The following PDZD2 variants were observed in gnomAD, a reference collection of about 807,000 sequenced individuals.
PDZD2 encodes PDZ domain containing 2, also known as PDZ domain-containing protein 2.
PDZD2 carries 90 observed loss-of-function variants against 220.7 expected under a neutral mutation model. The ratio of observed to expected loss-of-function variants is 0.41; its 90% CI spans 0.34 to 0.49. The LOEUF (loss-of-function observed/expected upper bound fraction) is 0.49. PDZD2 is among the 20% of genes least tolerant of loss of function. The pLI, the probability that PDZD2 is intolerant of heterozygous loss-of-function variation, is 0.28. For missense variants in PDZD2, 3,174 were observed against 3,608.5 expected (o/e 0.88, Z 3.08); for synonymous variants, 1,375 against 1,450.5 (o/e 0.95, Z 1.18).
intron 2 of PDZD2, among the ~76,000 whole-genome samples, chr5:31,894,457 T>A (rs1347831585): frequency 6.6e-6 from 1 of 152,042 alleles, no homozygotes; most frequent in Non-Finnish European, 1.5e-5. Flanking sequence ...GGGCCGTTCT[T>A]GATGTTTTTT....
intron 1 of PDZD2, among the ~76,000 whole-genome samples, chr5:31,681,786 C>T (rs2150123464): frequency 6.6e-6 from 1 of 152,252 alleles, no homozygotes; most frequent in South Asian, 2.1e-4. Context: ...ATTTTAGCAA[C>T]TGTGTTTGCT....
At chr5:32,014,625 A>AT (rs1753589712) in intron 6 of PDZD2, among the ~76,000 whole-genome samples, 1 of 147,584 alleles carries the variant, frequency 6.8e-6, no homozygotes, top group Non-Finnish European at 1.5e-5. Flanking sequence ...CCCTTCCCCC[A>AT]TACCACCCAT....
intron 1 of PDZD2, among the ~76,000 whole-genome samples, chr5:31,747,368 A>G (rs937464816): frequency 2.6e-5 from 4 of 152,162 alleles, no homozygotes; most frequent in African/African-American, 9.7e-5. Flanking sequence ...AGCAAGGCCT[A>G]TTTGTTCAGA....
chr5:31,866,903 A>AT (rs1243025634), intron 2 of PDZD2, among the ~76,000 whole-genome samples: 2 of 152,218 alleles, frequency 1.3e-5, no homozygotes, highest in African/African-American at 4.8e-5. Flanking sequence ...AGGAACTGAA[A>AT]TAATAGAATT....
intron 7 of PDZD2, among the ~76,000 whole-genome samples, chr5:32,045,241 A>G (rs898062464): frequency 1.8e-4 from 27 of 152,216 alleles, no homozygotes; most frequent in African/African-American, 6.5e-4. Context: ...CTTTCCACTA[A>G]GGTTTTGCCC....
rs1561469291 is a variant in PDZD2, at chr5:31,799,607, G to A, written c.359G>A (p.Trp120Ter). Residue 120 changes from tryptophan to a stop codon, truncating the protein, a stop_gained, in exon 2 of 25, where the codon TGG becomes TAG. Coordinates refer to ENST00000438447, the MANE Select transcript of PDZD2 (RefSeq NM_178140.4). LOFTEE classifies it high-confidence loss of function. ...QGPVLDVGCI[W>*]VTELRKNSPA... Reference sequence around the variant, plus strand: ...CCTGTGCTGGATGTGGGCTGCATCTGGGTGACAGAGCTGAGGAAGAACAGC... The same window carrying A: ...CCTGTGCTGGATGTGGGCTGCATCTAGGTGACAGAGCTGAGGAAGAACAGC... The A allele has an allele frequency of 6.2e-7, 1 of 1,614,152 alleles. No individual in the cohort carries two copies.
At chr5:31,773,177 T>G (rs1416740479) in intron 1 of PDZD2, among the ~76,000 whole-genome samples, 1 of 152,198 alleles carries the variant, frequency 6.6e-6, no homozygotes, top group Admixed American at 6.5e-5. Context: ...TTATTTACTT[T>G]CCTGCAGAGA....
intron 3 of PDZD2, among the ~76,000 whole-genome samples, chr5:31,985,065 C>T (rs1413495241): frequency 6.6e-6 from 1 of 151,584 alleles, no homozygotes; most frequent in Admixed American, 6.6e-5. Context: ...GTTGATGTCT[C>T]CATCAATGAT....
intron 2 of PDZD2, among the ~76,000 whole-genome samples, chr5:31,952,359 T>C (rs1490977311): frequency 6.6e-6 from 1 of 152,234 alleles, no homozygotes; most frequent in African/African-American, 2.4e-5. Flanking sequence ...ATTTATGATC[T>C]GGTAAAAGTA....
intron 1 of PDZD2, among the ~76,000 whole-genome samples, chr5:31,697,417 C>T (rs1037223275): frequency 6.6e-6 from 1 of 152,112 alleles, no homozygotes; most frequent in Non-Finnish European, 1.5e-5. Context: ...CAGCTGAGAT[C>T]GTGCCACTGC....
At chr5:31,871,542 C>G (rs1324371027) in intron 2 of PDZD2, among the ~76,000 whole-genome samples, 2 of 152,102 alleles carry the variant, frequency 1.3e-5, no homozygotes, top group Admixed American at 1.3e-4. Flanking sequence ...ACGTCCGCCT[C>G]CTGGGTCAAG....
chr5:31,989,749 C>T (rs2111925654), intron 3 of PDZD2, among the ~76,000 whole-genome samples: 1 of 152,248 alleles, frequency 6.6e-6, no homozygotes, highest in African/African-American at 2.4e-5. Context: ...TTTCTTTATC[C>T]AGTCAGCCAT....
intron 2 of PDZD2, chr5:31,847,442 A>T: frequency 1.8e-6 from 1 of 556,532 alleles, no homozygotes; most frequent in Admixed American, 2.2e-5. Flanking sequence ...CGTAACAGAG[A>T]TATCATTTGT....
intron 19 of PDZD2, among the ~76,000 whole-genome samples, chr5:32,086,265 C>A (rs1742438710): frequency 1.3e-5 from 2 of 152,214 alleles, no homozygotes; most frequent in African/African-American, 2.4e-5. Context: ...GCCAAACCCA[C>A]ACACCACTGG....
intron 1 of PDZD2, among the ~76,000 whole-genome samples, chr5:31,716,813 A>G (rs566734248): frequency 3.3e-5 from 5 of 152,282 alleles, no homozygotes; most frequent in Non-Finnish European, 7.4e-5. Flanking sequence ...GGAAAAATAT[A>G]AAAAATAGAA....
At chr5:31,900,439 T>TAGGG (rs1369105822) in intron 2 of PDZD2, among the ~76,000 whole-genome samples, 1 of 152,062 alleles carries the variant, frequency 6.6e-6, no homozygotes, top group Non-Finnish European at 1.5e-5. Flanking sequence ...CTGAAGGGGA[T>TAGGG]AGGGGAGGGA....
At chr5:32,027,027 T>G (rs1754721990) in intron 6 of PDZD2, among the ~76,000 whole-genome samples, 1 of 152,152 alleles carries the variant, frequency 6.6e-6, no homozygotes. Context: ...CTCAGCCTCC[T>G]GAGTAACTGG....
At chr5:32,031,381 T>C (rs575595251) in intron 6 of PDZD2, among the ~76,000 whole-genome samples, 14 of 152,218 alleles carry the variant, frequency 9.2e-5, no homozygotes, top group Non-Finnish European at 2.1e-4. Context: ...ACGCCTATTC[T>C]GATCAGGGAC....
At chr5:31,807,828 A>G (rs1004841137) in intron 2 of PDZD2, among the ~76,000 whole-genome samples, 1 of 152,166 alleles carries the variant, frequency 6.6e-6, no homozygotes, top group Non-Finnish European at 1.5e-5. Flanking sequence ...TCAGGGCGAC[A>G]GGCCAATTGG....
Sources: gnomAD v4.1 joint callset for allele counts (sites outside exome capture counted in the v4.1 genomes callset) on GRCh38, gnomAD v4.1.1 for gene constraint, MANE v1.5 for transcripts, NCBI Gene and HGNC (gene_info 2026-07-23, HGNC 2026-07-21) for gene names.